Variants in PCDHGA6 observed in about 807,000 individuals in gnomAD.
PCDHGA6 encodes the protein protocadherin gamma subfamily A, 6.
In PCDHGA6, 41 loss-of-function variants were observed where a neutral mutation model predicts 60.6. That is an observed-to-expected ratio of 0.68 (90% CI 0.53 to 0.88). The LOEUF is 0.88. PCDHGA6 is among the 40% of genes least tolerant of loss of function. The pLI is 0.00. For synonymous variants in PCDHGA6, 594 were observed against 524.4 expected (o/e 1.13, Z -1.81); for missense variants, 1,312 against 1,203.0 (o/e 1.09, Z -1.34).
Position 141,431,354 on chromosome 5 carries a change from G to A in PCDHGA6, c.2424+54847G>A, listed in dbSNP as rs777198567. On this transcript the variant is annotated intron_variant, in intron 1 of 3. Coordinates refer to ENST00000517434, the MANE Select transcript of PCDHGA6 (RefSeq NM_018919.3). This position sits in a 1 kb window ranked among gnomAD's most constrained non-coding sequence, Gnocchi z 4.8. ...GTACCCCGAATTGGTGCTGAAACGC[G>A]CCCTGGACCGCGAAGAAAAGGCTGC... is the stretch of plus-strand genomic sequence containing the variant. 1 of 1,614,036 alleles carries A rather than the reference G, an allele frequency of 6.2e-7. No homozygotes were observed. Among genetic ancestry groups the A allele is most frequent in the South Asian group, 1.1e-5 (1 of 91,086 alleles).
Position 141,375,317 on chromosome 5 carries a change from C to T in PCDHGA6, c.1234C>T (p.Arg412Trp). ...YRLVTNAALD[R>W]EEVFLYNITV... ...ATTAGTGACAAATGCAGCTCTAGAC[C>T]GGGAAGAGGTATTCTTGTACAACAT... Residue 412 changes from arginine to tryptophan, a missense_variant, in exon 1 of 4, where the codon CGG becomes TGG. Arg to Trp is a moderately radical substitution (Grantham distance 101, BLOSUM62 -3). Transcript: ENST00000517434. 1.2e-6 allele frequency: 2 copies of T among 1,613,790 alleles called. No homozygotes were observed. Among genetic ancestry groups the T allele is most frequent in the Non-Finnish European group, 8.5e-7 (1 of 1,179,876 alleles).
In PCDHGA6 at chr5:141,512,088, A is replaced by G. The variant is rs192947391; in HGVS notation, c.*915A>G. 2.6e-5 allele frequency: 4 copies of G among 152,772 alleles called. No individual in the cohort carries two copies. Among genetic ancestry groups the G allele is most frequent in the Admixed American group, 6.5e-5 (1 of 15,306 alleles). 9.5% of individuals were successfully genotyped at this position (152,772 alleles called of 1,614,324 possible). On this transcript the variant is annotated 3_prime_UTR_variant, in exon 4 of 4. Transcript: ENST00000517434. ...TCCTCCAGATTCCAGCCATAAACCAATAACTAGGCTGGACCCTTCCCACTA... is the reference window on the plus strand; with the variant it reads ...TCCTCCAGATTCCAGCCATAAACCAGTAACTAGGCTGGACCCTTCCCACTA...
rs781346812 is a variant in PCDHGA6, at chr5:141,489,773, T to A, written c.2425-5034T>A. 6.2e-7 allele frequency: 1 copy of A among 1,614,102 alleles called. No individual in the cohort carries two copies. The highest frequency in any genetic ancestry group is 8.5e-7 in the Non-Finnish European group (1 of 1,179,984). ...TACACTCTAAGCCCCAACAGCCACT[T>A]CTCTCTGAATGTGAAGACCCTAAAA... is the stretch of plus-strand genomic sequence containing the variant. On this transcript the variant is annotated intron_variant, in intron 1 of 3. Transcript: ENST00000517434. The surrounding 1 kb of genome is among the most constrained non-coding windows in gnomAD (Gnocchi z 4.5).
intron 1 of PCDHGA6, chr5:141,440,464 G>C (rs2003094): frequency 1.3e-5 from 2 of 152,150 alleles, no homozygotes; most frequent in Admixed American, 6.5e-5. Context: ...ATGAACAAAC[G>C]GTAGTTGAAA....
intron 1 of PCDHGA6, chr5:141,411,384 A>G (rs1280664726): frequency 6.6e-6 from 1 of 152,092 alleles, no homozygotes; most frequent in Non-Finnish European, 1.5e-5. Context: ...AGCCTGGGCA[A>G]TATAGGGAGA....
intron 3 of PCDHGA6, among the ~76,000 whole-genome samples, chr5:141,510,272 TAAAAAA>T (rs546154379): frequency 7.7e-6 from 1 of 130,390 alleles, no homozygotes; most frequent in Non-Finnish European, 1.6e-5. Context: ...GACTCCATCT[TAAAAAA>T]AAAAAAAAAA....
rs1298448753 is a variant in PCDHGA6 at position 141,486,417 on chromosome 5, G to A, written c.2425-8390G>A. 1 of 1,614,132 alleles carries A rather than the reference G, an allele frequency of 6.2e-7. No individual in the cohort carries two copies. Among genetic ancestry groups the A allele is most frequent in the Non-Finnish European group, 8.5e-7 (1 of 1,179,998 alleles). ...CTGGTGACTGCTGGACCCTTGGATC[G>A]AGAGGCCAAATCTAGCTATGACATC... On this transcript the variant is annotated intron_variant, in intron 1 of 3. Transcript: ENST00000517434. The surrounding 1 kb of genome is among the most constrained non-coding windows in gnomAD (Gnocchi z 5.0).
chr5:141,403,685 C>T, intron 1 of PCDHGA6: 4 of 1,613,822 alleles, frequency 2.5e-6, no homozygotes, highest in Non-Finnish European at 3.4e-6. Flanking sequence ...TTTTGCTCAA[C>T]GGATTTACCG....
intron 1 of PCDHGA6, chr5:141,441,743 C>G (rs1298220876): frequency 2.7e-6 from 1 of 367,284 alleles, no homozygotes; most frequent in Non-Finnish European, 5.4e-6. Flanking sequence ...AGCTCGCGCT[C>G]GGCGTCAACG....
chr5:141,417,641 C>G (rs1266850894), intron 1 of PCDHGA6: 12 of 779,426 alleles, frequency 1.5e-5, no homozygotes, highest in Non-Finnish European at 2.1e-5. Context: ...CCGGGGATCC[C>G]TCAGCCTCTA....
intron 1 of PCDHGA6, among the ~76,000 whole-genome samples, chr5:141,466,519 C>A (rs1406838553): frequency 6.6e-6 from 1 of 151,864 alleles, no homozygotes; most frequent in Non-Finnish European, 1.5e-5. Flanking sequence ...CATTTTTTTT[C>A]CTCCCAAATT....
intron 1 of PCDHGA6, chr5:141,415,157 C>G: frequency 6.2e-7 from 1 of 1,613,864 alleles, no homozygotes. Context: ...CTCTCCGCCA[C>G]TGTCACGCTC....
intron 1 of PCDHGA6, among the ~76,000 whole-genome samples, chr5:141,449,264 C>T (rs2098633342): frequency 6.6e-6 from 1 of 152,056 alleles, no homozygotes; most frequent in African/African-American, 2.4e-5. Flanking sequence ...GTACAAAGAA[C>T]TGTATCTCCT....
intron 1 of PCDHGA6, chr5:141,419,206 G>A: frequency 1.9e-6 from 3 of 1,613,876 alleles, no homozygotes; most frequent in Non-Finnish European, 1.7e-6. Flanking sequence ...ATGACAACGC[G>A]CCGGTTTTCG....
chr5:141,389,205 G>A, intron 1 of PCDHGA6: 1 of 1,614,040 alleles, frequency 6.2e-7, no homozygotes, highest in Non-Finnish European at 8.5e-7. Flanking sequence ...CCTGCACATT[G>A]GTGATGTAAA....
intron 1 of PCDHGA6, among the ~76,000 whole-genome samples, chr5:141,456,572 C>T (rs958661783): frequency 6.6e-6 from 1 of 152,168 alleles, no homozygotes; most frequent in Non-Finnish European, 1.5e-5. Flanking sequence ...CCACATTTTC[C>T]CTGAGCCTGT....
At chr5:141,500,699 A>G (rs780869966) in intron 2 of PCDHGA6, among the ~76,000 whole-genome samples, 1 of 152,156 alleles carries the variant, frequency 6.6e-6, no homozygotes, top group Non-Finnish European at 1.5e-5. Context: ...TCTTCTTTGC[A>G]GTGTATCATG....
At position 141,477,217 on chromosome 5, in the gene PCDHGA6, G is replaced by T. The variant is rs745497348; in HGVS notation, c.2425-17590G>T. On this transcript the variant is annotated intron_variant, in intron 1 of 3. Transcript: ENST00000517434. This position sits in a 1 kb window ranked among gnomAD's most constrained non-coding sequence, Gnocchi z 4.9. ...GCCCAGTACCCGAGGATGCCCCTCTGGGGACTGTCATCGCTTTGCTCAGTG... is the reference window on the plus strand; with the variant it reads ...GCCCAGTACCCGAGGATGCCCCTCTTGGGACTGTCATCGCTTTGCTCAGTG... The T allele has an allele frequency of 8.1e-6, 13 of 1,614,178 alleles. No homozygotes were observed. The African/African-American group carries it at 1.7e-4, about 22-fold the overall frequency.
rs143509166 is a variant in PCDHGA6 at position 141,395,182 on chromosome 5, C to T, written c.2424+18675C>T. On this transcript the variant is annotated intron_variant, in intron 1 of 3. Transcript: ENST00000517434. ...CAGGAGGGCTGTGAGAAAAATGATT[C>T]TTTGTTAACATCCGTAGATTTTCAT... 141 of 1,614,114 alleles carry T rather than the reference C, an allele frequency of 8.7e-5. 2 individuals are homozygous for T. The Middle Eastern group carries it at 1.8e-3, about 21-fold the overall frequency.
Sources: gnomAD v4.1 joint callset for allele counts (sites outside exome capture counted in the v4.1 genomes callset) on GRCh38, gnomAD v4.1.1 for gene constraint, Gnocchi (gnomAD v3.1) non-coding constraint, MANE v1.5 for transcripts, NCBI Gene and HGNC (gene_info 2026-07-23, HGNC 2026-07-21) for gene names.